The following FCSK variants were observed in gnomAD, a reference collection of about 807,000 sequenced individuals.
FCSK encodes the protein fucose kinase, also known as L-fucose kinase.
FCSK carries 123 observed loss-of-function variants against 122.5 expected under a neutral mutation model. That is an observed-to-expected ratio of 1.00 (90% CI 0.87 to 1.17). The LOEUF is 1.17. FCSK is among the 50% of genes most tolerant of loss of function. The pLI is 0.00. For synonymous variants in FCSK, 620 were observed against 625.5 expected, an observed-to-expected ratio of 0.99 and a Z score of 0.13; for missense variants, 1,366 against 1,450.4, an observed-to-expected ratio of 0.94 and a Z score of 0.95.
intron 3 of FCSK, among the ~76,000 whole-genome samples, chr16:70,464,673 C>T (rs2048362419): frequency 7.1e-6 from 1 of 140,266 alleles, no homozygotes; most frequent in African/African-American, 2.8e-5. Context: ...GCACTCCATT[C>T]TGGGCAACAG....
In FCSK at chr16:70,479,650, C is replaced by T. The variant is rs199905558; in HGVS notation, c.3225C>T (p.Thr1075=). The T allele has an allele frequency of 3.4e-3, 5,558 of 1,614,000 alleles. 12 individuals carry two copies. The highest frequency in any genetic ancestry group is 4.0e-3 in the Non-Finnish European group (4,696 of 1,179,934). ...GCCTGAGCCTGAAGCTGCTGGGGAC[C>T]GAGGCCTCAACCTGTTGCCCTTTCC... is the stretch of plus-strand genomic sequence containing the variant. ...TQGLSLKLLG[T]EASTCCPFP is the part of the protein sequence containing the mutation. The change falls in exon 24 of 24, where the codon ACC becomes ACT. Residue 1075 remains threonine, a synonymous_variant. Coordinates refer to ENST00000288078, the MANE Select transcript of FCSK (RefSeq NM_145059.3).
At chr16:70,472,879 G>A in intron 14 of FCSK, 104 bp from the exon 15 acceptor site, 6 of 1,380,124 alleles carry the variant, frequency 4.3e-6, no homozygotes, top group Middle Eastern at 1.9e-4. Context: ...TGCTACCTCG[G>A]AGGAGTCTGT....
chr16:70,474,784 C>T lies in FCSK; in HGVS notation c.2156-6C>T. On this transcript the variant is annotated splice_region_variant and splice_polypyrimidine_tract_variant and intron_variant, in intron 17 of 23. Transcript: ENST00000288078. ...GACCAGCTTGAGTCTTGCCACACTG[C>T]CATAGGGGGCTGGAGTGACACGCCA... 1 of 1,564,598 alleles carries T rather than the reference C, an allele frequency of 6.4e-7. No homozygotes were observed.
intron 1 of FCSK, chr16:70,462,312 C>G (rs2048291752): frequency 6.6e-6 from 1 of 151,778 alleles, no homozygotes; most frequent in Non-Finnish European, 1.5e-5. Context: ...TACACCTGTC[C>G]TGGCCTTTAT....
At chr16:70,471,797 T>C (rs2048630164) in intron 13 of FCSK, among the ~76,000 whole-genome samples, 2 of 147,510 alleles carry the variant, frequency 1.4e-5, no homozygotes, top group Admixed American at 1.3e-4. Flanking sequence ...GCTAGTCTGG[T>C]TGGGTGGGGT....
At position 70,474,248 on chromosome 16, in the gene FCSK, G is replaced by C. The variant is rs367795956; in HGVS notation, c.1897G>C (p.Glu633Gln). The C allele has an allele frequency of 6.2e-7, 1 of 1,611,546 alleles. No individual in the cohort carries two copies. The highest frequency in any genetic ancestry group is 8.5e-7 in the Non-Finnish European group (1 of 1,179,398). ...GLRSGPAANP[E>Q]WMRPFSYLEC... ...GCGGAGCGGGCCAGCTGCCAACCCT[G>C]AGTGGATGCGGCCCTTCTCATACCT... is the stretch of plus-strand genomic sequence containing the variant. The change falls in exon 16 of 24, where the codon GAG (glutamate) becomes CAG (glutamine). Residue 633 changes from glutamate to glutamine, a missense_variant. Coordinates refer to ENST00000288078, the MANE Select transcript of FCSK (RefSeq NM_145059.3).
At position 70,470,442 on chromosome 16, in the gene FCSK, C is replaced by T. The variant is rs1260251200; in HGVS notation, c.1068+16C>T. 7 of 1,468,294 alleles carry T rather than the reference C, an allele frequency of 4.8e-6. No homozygotes were observed. The highest frequency in any genetic ancestry group is 5.7e-6 in the Non-Finnish European group (6 of 1,053,530). 91.0% of individuals were successfully genotyped at this position (1,468,294 alleles called of 1,614,324 possible). A position where few individuals can be genotyped will look rare whatever the true frequency, so the allele number is the denominator to read the frequency against. ...CCAGGTGGAGGTGAGACCTCCCTGCCCCTCCGGTGCCTGCTGGTTGTCTGG... is the reference window on the plus strand; with the variant it reads ...CCAGGTGGAGGTGAGACCTCCCTGCTCCTCCGGTGCCTGCTGGTTGTCTGG... On this transcript the variant is annotated intron_variant, in intron 11 of 23. Coordinates refer to ENST00000288078, the MANE Select transcript of FCSK (RefSeq NM_145059.3).
Position 70,475,029 on chromosome 16 carries a change from C to T in FCSK, c.2377+18C>T. 2.5e-6 allele frequency: 4 copies of T among 1,572,558 alleles called. No individual in the cohort carries two copies. The highest frequency in any genetic ancestry group is 3.4e-6 in the Non-Finnish European group (4 of 1,161,796). On this transcript the variant is annotated intron_variant, in intron 18 of 23. Transcript: ENST00000288078. ...TGCCCCAGGTCAGGCACCCTGGGAC[C>T]TCTGCAGGTGGGGCTGGCCAGCTGG... is the stretch of plus-strand genomic sequence containing the variant.
chr16:70,460,124 T>G (rs1037280095), intron 1 of FCSK, among the ~76,000 whole-genome samples: 1 of 136,056 alleles, frequency 7.3e-6, no homozygotes, highest in African/African-American at 3.4e-5. Flanking sequence ...TTTTTTTTTT[T>G]GAGACGGTGT....
Position 70,463,647 on chromosome 16 carries a change from A to T in FCSK, c.107A>T (p.Glu36Val). The part of the protein sequence containing the change: ...QRELEVRQKR[E>V]QIPAGTLLLA... ...GAACTGGAAGTGCGGCAGAAGCGGG[A>T]GCAGATCCCTGCTGGGACGCTGTTA... The change falls in exon 3 of 24, where the codon GAG becomes GTG. Residue 36 changes from glutamate (E) to valine (V), a missense_variant. Glu to Val is a moderately radical substitution (Grantham distance 121, BLOSUM62 -2). Coordinates refer to ENST00000288078, the MANE Select transcript of FCSK (RefSeq NM_145059.3). The T allele has an allele frequency of 6.2e-7, 1 of 1,613,488 alleles. No homozygotes were observed. Among genetic ancestry groups the T allele is most frequent in the African/African-American group, 1.3e-5 (1 of 75,026 alleles).
chr16:70,459,805 CT>C (rs138503014), intron 1 of FCSK, among the ~76,000 whole-genome samples: 17,843 of 144,178 alleles, frequency 0.12, 3,495 homozygotes, highest in African/African-American at 0.42. Flanking sequence ...GTTTCTTCAT[CT>C]TTTTTTTTTT....
rs1195897844 is a variant in FCSK at position 70,473,213 on chromosome 16, G to A, written c.1637G>A (p.Arg546His). ...GATCGGGCTGCCACGCTGGCCTCTC[G>A]CCGGGACCTGTTCTTCCGCCAGGCC... ...CLDRAATLAS[R>H]RDLFFRQALH... Residue 546 changes from arginine (R) to histidine (H), a missense_variant, in exon 15 of 24, where the codon CGC becomes CAC. Coordinates refer to ENST00000288078, the MANE Select transcript of FCSK (RefSeq NM_145059.3). This position sits in a 1 kb window ranked among gnomAD's most constrained non-coding sequence, Gnocchi z 4.9. 2.6e-6 allele frequency: 4 copies of A among 1,536,252 alleles called. No homozygotes were observed. Among genetic ancestry groups the A allele is most frequent in the South Asian group, 2.4e-5 (2 of 83,956 alleles).
In FCSK at chr16:70,472,100, C is replaced by T. The variant is rs151002204; in HGVS notation, c.1342-441C>T. 3.0e-3 allele frequency among the ~76,000 whole-genome samples: 460 copies of T among 151,992 alleles called. 1 individual carries two copies. The highest frequency in any genetic ancestry group is 0.01 in the African/African-American group (425 of 41,464). Reference sequence around the variant, plus strand: ...CTGGGATTATAGGTGTGAGCCACCGCGCACGGCTGGGTGGGGGTTTTTATC... The same window carrying T: ...CTGGGATTATAGGTGTGAGCCACCGTGCACGGCTGGGTGGGGGTTTTTATC... On this transcript the variant is annotated intron_variant, in intron 13 of 23. Coordinates refer to ENST00000288078, the MANE Select transcript of FCSK (RefSeq NM_145059.3).
chr16:70,469,843 T>C (rs1170102514), intron 10 of FCSK, among the ~76,000 whole-genome samples: 2 of 149,104 alleles, frequency 1.3e-5, no homozygotes, highest in African/African-American at 5.0e-5. Context: ...CTAACCTGTC[T>C]GCTTTCTTTT....
chr16:70,468,143 C>A (rs1044861173), intron 8 of FCSK, among the ~76,000 whole-genome samples, 177 bp downstream of exon 8: 1 of 152,122 alleles, frequency 6.6e-6, no homozygotes, highest in African/African-American at 2.4e-5. Context: ...TAGAACCAGG[C>A]GGGCACGGTG....
At chr16:70,467,050 C>T (rs773680426) in intron 6 of FCSK, 96 bp downstream of exon 6, 4 of 1,151,034 alleles carry the variant, frequency 3.5e-6, no homozygotes, top group Non-Finnish European at 5.2e-6. Flanking sequence ...TGGGCCTGCC[C>T]CGCTGCCCTA....
At chr16:70,472,457 G>C in intron 13 of FCSK, 84 bp from the exon 14 acceptor site, 1 of 1,082,676 alleles carries the variant, frequency 9.2e-7, no homozygotes, top group South Asian at 1.5e-5. Flanking sequence ...GTGAGCACTT[G>C]AGCAGCTCCT....
Position 70,468,973 on chromosome 16 carries a change from C to G in FCSK, c.783+5C>G. Reference sequence around the variant, plus strand: ...TCCGGAGCCCGGCCTGTCCAGGTGACTGGGGGAGGGCAGCTAGGTGGGGCC... The same window carrying G: ...TCCGGAGCCCGGCCTGTCCAGGTGAGTGGGGGAGGGCAGCTAGGTGGGGCC... On this transcript the variant is annotated splice_donor_5th_base_variant and intron_variant, in intron 9 of 23. Coordinates refer to ENST00000288078, the MANE Select transcript of FCSK (RefSeq NM_145059.3). 6.2e-7 allele frequency: 1 copy of G among 1,612,824 alleles called. No homozygotes were observed. The highest frequency in any genetic ancestry group is 8.5e-7 in the Non-Finnish European group (1 of 1,179,946).
chr16:70,468,672 TG>T (rs1474916403), intron 8 of FCSK, among the ~76,000 whole-genome samples, 176 bp from the exon 9 acceptor site: 2 of 148,262 alleles, frequency 1.3e-5, no homozygotes, highest in African/African-American at 5.0e-5. Context: ...GAAGGTGTCT[TG>T]GTGGGAGCTA....
Sources: allele counts gnomAD v4.1 joint callset (sites outside exome capture counted in the v4.1 genomes callset), GRCh38; gene constraint gnomAD v4.1.1; non-coding constraint Gnocchi (gnomAD v3.1); transcripts MANE v1.5; gene names NCBI Gene and HGNC (gene_info 2026-07-23, HGNC 2026-07-21).